Variants in WDR41 observed in about 807,000 individuals in gnomAD.
WDR41 encodes WD repeat-containing protein 41.
In WDR41, 63 loss-of-function variants were observed where a neutral mutation model predicts 69.3. The ratio of observed to expected loss-of-function variants is 0.91; its 90% CI spans 0.74 to 1.12. The LOEUF is 1.12. Ranked by LOEUF, WDR41 falls within the 50% of genes most tolerant of loss-of-function variation. The pLI is 0.00. For synonymous variants in WDR41, 185 were observed against 192.1 expected (o/e 0.96, Z 0.31); for missense variants, 543 against 534.5 (o/e 1.02, Z -0.16).
chr5:77,495,250 C>T (rs998556837), upstream of WDR41, among the ~76,000 whole-genome samples: 5 of 151,466 alleles, frequency 3.3e-5, no homozygotes, highest in African/African-American at 1.2e-4. Context: ...AAACCCAAAA[C>T]TAGTAGGAGG....
chr5:77,583,262 C>G, intron 1 of WDR41: 1 of 614,624 alleles, frequency 1.6e-6, no homozygotes, highest in Non-Finnish European at 2.8e-6. Context: ...TCCCTGTTAT[C>G]TCAACATTTT....
chr5:77,535,474 G>T lies in WDR41; in HGVS notation c.43-45902C>A, dbSNP rs138423709. On this transcript the variant is annotated intron_variant, in intron 1 of 5. Transcript: ENST00000509971. ...TCAGTTACAACTGTGTTGTGCATAC[G>T]TATATCTCGGTATAGTCACAGCAAA... Among the ~76,000 whole-genome samples, 53 of 152,220 alleles carry T rather than the reference G, an allele frequency of 3.5e-4. No homozygotes were observed. In the Middle Eastern group the frequency reaches 0.01, roughly 29 times the overall value.
intron 9 of WDR41, among the ~76,000 whole-genome samples, chr5:77,439,115 C>A (rs1238865695): frequency 6.6e-6 from 1 of 152,158 alleles, no homozygotes; most frequent in African/African-American, 2.4e-5. Flanking sequence ...GTCCCTTGCT[C>A]ATTCCTCACG....
At chr5:77,442,367 T>C (rs1799198819) in intron 8 of WDR41, among the ~76,000 whole-genome samples, 1 of 152,116 alleles carries the variant, frequency 6.6e-6, no homozygotes, top group Admixed American at 6.5e-5. Flanking sequence ...TGCTTAACAA[T>C]ATAAACTTAG....
At chr5:77,552,770 T>C (rs963662670) in intron 1 of WDR41, among the ~76,000 whole-genome samples, 2 of 152,126 alleles carry the variant, frequency 1.3e-5, no homozygotes, top group Non-Finnish European at 2.9e-5. Flanking sequence ...TTGACAAAGG[T>C]GCAAAACCAA....
At chr5:77,462,132 G>A (rs553273010) in intron 4 of WDR41, among the ~76,000 whole-genome samples, 18 of 151,998 alleles carry the variant, frequency 1.2e-4, no homozygotes, top group African/African-American at 4.3e-4. Context: ...AAATAAGGCC[G>A]GGCGCAGTGG....
At chr5:77,563,184 T>C (rs1743556431) in intron 1 of WDR41, among the ~76,000 whole-genome samples, 1 of 152,212 alleles carries the variant, frequency 6.6e-6, no homozygotes, top group Non-Finnish European at 1.5e-5. Flanking sequence ...GTATTTGTGG[T>C]GATATTATCA....
At chr5:77,564,811 C>T (rs937695417) in intron 1 of WDR41, among the ~76,000 whole-genome samples, 4 of 152,098 alleles carry the variant, frequency 2.6e-5, no homozygotes, top group Admixed American at 1.3e-4. Context: ...GTTAAGTGAA[C>T]TACCATATAC....
chr5:77,461,295 ATGTG>A (rs1376149648), intron 4 of WDR41, among the ~76,000 whole-genome samples: 2 of 152,236 alleles, frequency 1.3e-5, no homozygotes, highest in East Asian at 1.9e-4. Context: ...ACATACATAT[ATGTG>A]TGTATGTATA....
intron 1 of WDR41, among the ~76,000 whole-genome samples, chr5:77,528,661 A>G (rs1019294178): frequency 1.3e-5 from 2 of 151,736 alleles, no homozygotes; most frequent in Non-Finnish European, 3.0e-5. Context: ...AAATTCAACA[A>G]CACATGGAAA....
chr5:77,471,516 T>G (rs1800608776), intron 2 of WDR41, among the ~76,000 whole-genome samples: 1 of 151,716 alleles, frequency 6.6e-6, no homozygotes, highest in Non-Finnish European at 1.5e-5. Flanking sequence ...TCAACAAAAT[T>G]GATAGAACGC....
chr5:77,575,460 G>A (rs190856962), intron 1 of WDR41, among the ~76,000 whole-genome samples: 13 of 152,310 alleles, frequency 8.5e-5, no homozygotes, highest in Non-Finnish European at 1.6e-4. Flanking sequence ...TTCTGGTAAG[G>A]ATTTTAGTGG....
At chr5:77,494,016 G>A (rs1474832889), upstream of WDR41, among the ~76,000 whole-genome samples, 1 of 151,934 alleles carries the variant, frequency 6.6e-6, no homozygotes, top group South Asian at 2.1e-4. Flanking sequence ...GATGTAATTT[G>A]TGGCATCAAT....
intron 1 of WDR41, among the ~76,000 whole-genome samples, chr5:77,541,721 G>A (rs1228659109): frequency 1.4e-5 from 2 of 146,756 alleles, no homozygotes; most frequent in Non-Finnish European, 3.0e-5. Context: ...TCGAACTCCT[G>A]ACCTCAGGTG....
chr5:77,560,720 T>C (rs550639522), intron 1 of WDR41, among the ~76,000 whole-genome samples: 2 of 152,302 alleles, frequency 1.3e-5, no homozygotes, highest in Admixed American at 6.5e-5. Flanking sequence ...ATGAATAATT[T>C]ATATCAAAGG....
At chr5:77,533,007 T>C (rs983872582) in intron 1 of WDR41, among the ~76,000 whole-genome samples, 1 of 152,192 alleles carries the variant, frequency 6.6e-6, no homozygotes, top group African/African-American at 2.4e-5. Flanking sequence ...ATGTATTTTG[T>C]ATTTCACAAT....
intron 1 of WDR41, among the ~76,000 whole-genome samples, chr5:77,512,049 G>T (rs1802211171): frequency 6.6e-6 from 1 of 152,100 alleles, no homozygotes; most frequent in Admixed American, 6.6e-5. Context: ...TACAGATACA[G>T]AACAACAATA....
chr5:77,500,212 T>C (rs1459291926), intron 1 of WDR41, among the ~76,000 whole-genome samples: 2 of 152,028 alleles, frequency 1.3e-5, no homozygotes, highest in African/African-American at 4.8e-5. Flanking sequence ...GAAACAAACA[T>C]TAAAACACAA....
intron 1 of WDR41, among the ~76,000 whole-genome samples, chr5:77,519,690 A>G (rs1016788278): frequency 3.3e-5 from 5 of 151,748 alleles, no homozygotes; most frequent in Non-Finnish European, 7.4e-5. Context: ...TGTATTTTTC[A>G]TCTTTATTAA....
Sources: gnomAD v4.1 joint callset for allele counts (sites outside exome capture counted in the v4.1 genomes callset) on GRCh38, gnomAD v4.1.1 for gene constraint, MANE v1.5 for transcripts, NCBI Gene and HGNC (gene_info 2026-07-23, HGNC 2026-07-21) for gene names.